Variants in MRC2 observed in about 807,000 individuals in gnomAD.
The protein encoded by MRC2 is mannose receptor C-type 2, also known as C-type mannose receptor 2.
A neutral mutation model predicts 206.2 loss-of-function variants in MRC2; 84 were observed. That is an observed-to-expected ratio of 0.41 (90% CI 0.34 to 0.49). The LOEUF (loss-of-function observed/expected upper bound fraction) is 0.49, where lower values mean the gene tolerates loss of function less well. Ranked by LOEUF, MRC2 falls within the 20% of genes least tolerant of loss-of-function variation. The pLI is 0.31. For missense variants in MRC2, 1,676 were observed against 2,001.5 expected, an observed-to-expected ratio of 0.84 and a Z score of 3.10; for synonymous variants, 798 against 800.0, an observed-to-expected ratio of 1.00 and a Z score of 0.04.
At position 62,688,919 on chromosome 17, in the gene MRC2, G is replaced by GCA; in HGVS notation, c.3295_3296dup (p.Glu1100ArgfsTer17). On this transcript the variant is annotated frameshift_variant, in exon 23 of 30. Transcript: ENST00000303375. LOFTEE classifies it high-confidence loss of function. ...ACTGGCCGCTGGGACGATCGGAGCT[G>GCA]CACGGAGGAGACCCATGGCTTCATC... 2 of 1,613,870 alleles carry GCA rather than the reference G, an allele frequency of 1.2e-6. No individual in the cohort carries two copies. Among genetic ancestry groups the GCA allele is most frequent in the Non-Finnish European group, 1.7e-6 (2 of 1,179,996 alleles).
intron 10 of MRC2, 150 bp downstream of exon 10, chr17:62,676,055 G>T: frequency 1.4e-6 from 1 of 692,360 alleles, no homozygotes; most frequent in Non-Finnish European, 2.4e-6. Context: ...TTAAAATCTT[G>T]TCAGAAGAAT....
Position 62,680,004 on chromosome 17 carries a change from G to C in MRC2, c.2298+102G>C, listed in dbSNP as rs2088941689. The C allele has an allele frequency of 6.8e-7, 1 of 1,462,232 alleles. No individual in the cohort carries two copies. Among genetic ancestry groups the C allele is most frequent in the Non-Finnish European group, 9.2e-7 (1 of 1,083,640 alleles). 90.6% of individuals were successfully genotyped at this position (1,462,232 alleles called of 1,614,324 possible). ...GGTGGGCGGGTTTTCTTGAGGGCCG[G>C]GCCCCCAGTCGGAGCCGGCTTCAGG... is the stretch of plus-strand genomic sequence containing the variant. On this transcript the variant is annotated intron_variant, in intron 14 of 29. Transcript: ENST00000303375. The surrounding 1 kb of genome is among the most constrained non-coding windows in gnomAD (Gnocchi z 4.8).
chr17:62,669,606 T>C (rs1049255029), intron 6 of MRC2, among the ~76,000 whole-genome samples: 2 of 152,052 alleles, frequency 1.3e-5, no homozygotes, highest in Non-Finnish European at 2.9e-5. Flanking sequence ...CTCCACTCAC[T>C]GCAACCTCCG....
intron 1 of MRC2, among the ~76,000 whole-genome samples, chr17:62,660,609 G>C (rs2088668519): frequency 6.6e-6 from 1 of 152,052 alleles, no homozygotes; most frequent in Non-Finnish European, 1.5e-5. Context: ...AAGACTAAAG[G>C]CAAAACTCAA....
intron 1 of MRC2, among the ~76,000 whole-genome samples, chr17:62,630,386 T>A (rs1255228752): frequency 6.6e-6 from 1 of 152,160 alleles, no homozygotes; most frequent in African/African-American, 2.4e-5. Context: ...ACACCCCTAG[T>A]AAGTGAAAGG....
intron 6 of MRC2, among the ~76,000 whole-genome samples, chr17:62,670,627 C>T (rs1347376029): frequency 6.6e-6 from 1 of 152,238 alleles, no homozygotes; most frequent in African/African-American, 2.4e-5. Flanking sequence ...ATCCCAACCC[C>T]TAGAAGGTGA....
intron 1 of MRC2, among the ~76,000 whole-genome samples, chr17:62,663,504 G>A (rs1378101687): frequency 6.6e-6 from 1 of 151,998 alleles, no homozygotes. Context: ...TCACCCACAG[G>A]CAACCATTAA....
At chr17:62,660,203 C>T (rs1256695416) in intron 1 of MRC2, among the ~76,000 whole-genome samples, 1 of 152,170 alleles carries the variant, frequency 6.6e-6, no homozygotes, top group Non-Finnish European at 1.5e-5. Flanking sequence ...GTAAACCTGG[C>T]ACATTTAACC....
chr17:62,666,345 G>A lies in MRC2; in HGVS notation c.694+78G>A. 1 of 1,571,996 alleles carries A rather than the reference G, an allele frequency of 6.4e-7. No individual in the cohort carries two copies. The highest frequency in any genetic ancestry group is 1.2e-5 in the South Asian group (1 of 84,240). On this transcript the variant is annotated intron_variant, in intron 3 of 29. Coordinates refer to ENST00000303375, the MANE Select transcript of MRC2 (RefSeq NM_006039.5). The surrounding 1 kb of genome is among the most constrained non-coding windows in gnomAD (Gnocchi z 5.0). ...GGTGCTGAGGGGCCCCGGGGCCCAG[G>A]GTGAGATACTGCCCCCTCCCCTACC...
At chr17:62,640,896 G>T (rs1056462251) in intron 1 of MRC2, among the ~76,000 whole-genome samples, 4 of 151,594 alleles carry the variant, frequency 2.6e-5, no homozygotes, top group African/African-American at 7.3e-5. Context: ...TAGAGACAGG[G>T]TTTCACTGTG....
chr17:62,693,107 G>A lies in MRC2; in HGVS notation c.*656G>A, dbSNP rs563453577. On this transcript the variant is annotated 3_prime_UTR_variant, in exon 30 of 30. Coordinates refer to ENST00000303375, the MANE Select transcript of MRC2 (RefSeq NM_006039.5). Reference sequence around the variant, plus strand: ...CAGGGCACGGGTGTGGTGTCTGCTGGGCTGGAGATAAGACTGGGGAGAGAC... The same window carrying A: ...CAGGGCACGGGTGTGGTGTCTGCTGAGCTGGAGATAAGACTGGGGAGAGAC... The A allele has an allele frequency of 6.5e-6, 1 of 152,960 alleles. No homozygotes were observed. Among genetic ancestry groups the A allele is most frequent in the African/African-American group, 2.4e-5 (1 of 41,528 alleles). The allele number at this position is 152,960 out of a possible 1,614,324, so 9.5% of individuals were successfully genotyped here.
intron 1 of MRC2, among the ~76,000 whole-genome samples, chr17:62,661,921 T>A (rs2088685920): frequency 6.6e-6 from 1 of 152,228 alleles, no homozygotes; most frequent in African/African-American, 2.4e-5. Context: ...ATAATATTTT[T>A]AAATTTTTTC....
intron 6 of MRC2, among the ~76,000 whole-genome samples, chr17:62,668,378 A>G (rs2088783898): frequency 6.6e-6 from 1 of 151,130 alleles, no homozygotes; most frequent in Non-Finnish European, 1.5e-5. Context: ...AAATAAATAA[A>G]TAAATAAATT....
intron 1 of MRC2, among the ~76,000 whole-genome samples, chr17:62,651,861 C>A (rs542628804): frequency 1.3e-5 from 2 of 152,142 alleles, no homozygotes; most frequent in African/African-American, 2.4e-5. Flanking sequence ...CGTGAGCCAC[C>A]GCGCCCTGCC....
chr17:62,665,860 G>GTATT lies in MRC2; in HGVS notation c.521-234_521-233insTATT, dbSNP rs371249011. Among the ~76,000 whole-genome samples the GTATT allele has an allele frequency of 3.0e-3, 452 of 152,300 alleles. 5 individuals carry two copies. The highest frequency in any genetic ancestry group is 0.011 in the African/African-American group (438 of 41,564). On this transcript the variant is annotated intron_variant, in intron 2 of 29. Transcript: ENST00000303375. ...TTTGGATGGGATTAGGGGTACTAGGGAGCCCCTTCCCAGCCCTATGAGGTG... is the reference window on the plus strand; with the variant it reads ...TTTGGATGGGATTAGGGGTACTAGGGTATTAGCCCCTTCCCAGCCCTATGAGGTG...
Position 62,664,786 on chromosome 17 carries a change from T to A in MRC2, c.357T>A (p.Leu119=), listed in dbSNP as rs1356323916. The A allele has an allele frequency of 6.2e-7, 1 of 1,613,974 alleles. No individual in the cohort carries two copies. Among genetic ancestry groups the A allele is most frequent in the East Asian group, 2.2e-5 (1 of 44,880 alleles). ...AGTGTGACCGGGAAGCACTGAATCTTCGCTGGCATTGTCGTACACTGGGTG... is the reference window on the plus strand; with the variant it reads ...AGTGTGACCGGGAAGCACTGAATCTACGCTGGCATTGTCGTACACTGGGTG... ...MYECDREALN[L]RWHCRTLGDQ... Residue 119 remains leucine (L), a synonymous_variant, in exon 2 of 30, where the codon CTT becomes CTA. Coordinates refer to ENST00000303375, the MANE Select transcript of MRC2 (RefSeq NM_006039.5). This position sits in a 1 kb window ranked among gnomAD's most constrained non-coding sequence, Gnocchi z 4.7.
Position 62,664,922 on chromosome 17 carries a change from G to A in MRC2, c.493G>A (p.Glu165Lys), listed in dbSNP as rs1195543676. 1.9e-6 allele frequency: 3 copies of A among 1,610,884 alleles called. No homozygotes were observed. Among genetic ancestry groups the A allele is most frequent in the East Asian group, 4.5e-5 (2 of 44,888 alleles). The change falls in exon 2 of 30, where the codon GAG becomes AAG. Residue 165 changes from glutamate (E) to lysine (K), a missense_variant. Physicochemically the swap from Glu to Lys is moderately conservative, Grantham distance 56. Transcript: ENST00000303375. This position sits in a 1 kb window ranked among gnomAD's most constrained non-coding sequence, Gnocchi z 4.7. ...SGQWRIYGSE[E>K]DLCALPYHEV... ...CCAGTGGCGCATCTACGGCAGCGAG[G>A]AGGACCTATGTGCTCTGCCCTACCA...
At chr17:62,683,483 A>G (rs1598995258) in intron 20 of MRC2, among the ~76,000 whole-genome samples, 1 of 150,212 alleles carries the variant, frequency 6.7e-6, no homozygotes, top group East Asian at 1.9e-4. Context: ...AAATAAACAA[A>G]GAAAAAAAAA....
At chr17:62,653,882 A>C (rs2088587384) in intron 1 of MRC2, among the ~76,000 whole-genome samples, 1 of 152,048 alleles carries the variant, frequency 6.6e-6, no homozygotes, top group Non-Finnish European at 1.5e-5. Flanking sequence ...CCATGGAAGC[A>C]ATGCCCCCCT....
Sources: gnomAD v4.1 joint callset for allele counts (sites outside exome capture counted in the v4.1 genomes callset) on GRCh38, gnomAD v4.1.1 for gene constraint, Gnocchi (gnomAD v3.1) non-coding constraint, MANE v1.5 for transcripts, NCBI Gene and HGNC (gene_info 2026-07-23, HGNC 2026-07-21) for gene names.